Variants in LAMC3 observed in about 807,000 individuals in gnomAD.
LAMC3 encodes laminin subunit gamma-3.
LAMC3 carries 128 observed loss-of-function variants against 173.8 expected under a neutral mutation model. The observed-to-expected ratio is 0.74, with a 90% CI of 0.64 to 0.85. The LOEUF is 0.85. Among genes scored for constraint, LAMC3 ranks in the 40% least tolerant of loss-of-function variants. LAMC3 has a pLI of 0.00. For missense variants in LAMC3, 2,022 were observed against 2,156.0 expected, an observed-to-expected ratio of 0.94 and a Z score of 1.23; for synonymous variants, 897 against 909.1, an observed-to-expected ratio of 0.99 and a Z score of 0.24.
At chr9:131,042,317 G>A (rs1434497842) in intron 7 of LAMC3, among the ~76,000 whole-genome samples, 1 of 150,658 alleles carries the variant, frequency 6.6e-6, no homozygotes, top group Non-Finnish European at 1.5e-5. Context: ...ACACTCAATA[G>A]ACATTACTCA....
intron 12 of LAMC3, among the ~76,000 whole-genome samples, chr9:131,057,583 C>A (rs1034061933): frequency 6.6e-6 from 1 of 152,232 alleles, no homozygotes; most frequent in Non-Finnish European, 1.5e-5. Context: ...CAGGTGACAG[C>A]AGCTCATAGG....
rs34334770 is a variant in LAMC3 at position 131,029,943 on chromosome 9, C to CT, written c.679-2085dup. Among the ~76,000 whole-genome samples, 20,928 of 139,062 alleles carry CT rather than the reference C, an allele frequency of 0.15. 2,076 individuals carry two copies. Among genetic ancestry groups the CT allele is most frequent in the African/African-American group, 0.29 (10,871 of 37,048 alleles). 91.2% of individuals were successfully genotyped at this position (139,062 alleles called of 152,430 possible). A position where few individuals can be genotyped will look rare whatever the true frequency, so the allele number is the denominator to read the frequency against. ...TTCAGTGGGGATTGCCCTAAAATGA[C>CT]TTTTTTTTTTTTTTTTTGAGACAGT... On this transcript the variant is annotated intron_variant, in intron 2 of 27. Coordinates refer to ENST00000361069, the MANE Select transcript of LAMC3 (RefSeq NM_006059.4). This position sits in a 1 kb window ranked among gnomAD's most constrained non-coding sequence, Gnocchi z 4.6.
At chr9:131,073,782 C>T (rs947050970) in intron 20 of LAMC3, among the ~76,000 whole-genome samples, 2 of 152,068 alleles carry the variant, frequency 1.3e-5, no homozygotes, top group Admixed American at 1.3e-4. Flanking sequence ...CTGCCATCAG[C>T]CCCCGTTTCT....
chr9:131,045,646 G>A lies in LAMC3; in HGVS notation c.1505G>A (p.Ser502Asn). The change falls in exon 8 of 28, where the codon AGC (serine) becomes AAC (asparagine). Residue 502 changes from serine to asparagine, a missense_variant. By Grantham distance (46) the Ser-to-Asn change is conservative. Transcript: ENST00000361069. Reference sequence around the variant, plus strand: ...CAGTTCCAGGTGCATCACATCCTCAGCGATTTCCACCAGGGTAAGAGATGC... The same window carrying A: ...CAGTTCCAGGTGCATCACATCCTCAACGATTTCCACCAGGGTAAGAGATGC... ...TAQFQVHHILSDFHQGAEGWW... is the reference protein window; with the variant it reads ...TAQFQVHHILNDFHQGAEGWW... The A allele has an allele frequency of 6.2e-7, 1 of 1,614,168 alleles. No homozygotes were observed. Among genetic ancestry groups the A allele is most frequent in the Non-Finnish European group, 8.5e-7 (1 of 1,180,036 alleles).
intron 2 of LAMC3, 138 bp from the exon 3 acceptor site, chr9:131,031,907 C>T: frequency 6.8e-7 from 1 of 1,466,250 alleles, no homozygotes; most frequent in Admixed American, 1.7e-5. Context: ...GCAGTGTTCT[C>T]AGAATTGGCC....
chr9:131,049,099 C>G lies in LAMC3; in HGVS notation c.1599C>G (p.Ser533Arg). 1 of 1,551,726 alleles carries G rather than the reference C, an allele frequency of 6.4e-7. No individual in the cohort carries two copies. Among genetic ancestry groups the G allele is most frequent in the Admixed American group, 2.0e-5 (1 of 51,140 alleles). The change falls in exon 9 of 28, where the codon AGC (serine) becomes AGG (arginine). Residue 533 changes from serine (S) to arginine (R), a missense_variant. Physicochemically the swap from Ser to Arg is moderately radical, Grantham distance 110. Transcript: ENST00000361069. Reference sequence around the variant, plus strand: ...GGAGCCCAAATGGGGTCCTCCTGAGCCCAGAAGACGAGGAGGAGCTCACAG... The same window carrying G: ...GGAGCCCAAATGGGGTCCTCCTGAGGCCAGAAGACGAGGAGGAGCTCACAG... ...PQWSPNGVLLSPEDEEELTAP... is the reference protein window; with the variant it reads ...PQWSPNGVLLRPEDEEELTAP...
intron 3 of LAMC3, among the ~76,000 whole-genome samples, chr9:131,033,921 G>A (rs1833896388): frequency 6.6e-6 from 1 of 152,176 alleles, no homozygotes; most frequent in Admixed American, 6.5e-5. Context: ...CCTGCTTTGG[G>A]TGTGTGAGCT....
Position 131,026,582 on chromosome 9 carries a change from G to T in LAMC3, c.671G>T (p.Gly224Val), listed in dbSNP as rs927249367. ...PSAYNFEESP[G>V]LQEWVTSTEL... is the part of the protein sequence containing the mutation. ...GCCTACAACTTCGAGGAGAGCCCTG[G>T]GCTGCAGGTCAGGGAGGAGCGGGGC... Residue 224 changes from glycine to valine, a missense_variant, in exon 2 of 28, where the codon GGG (glycine) becomes GTG (valine). Transcript: ENST00000361069. The surrounding 1 kb of genome is among the most constrained non-coding windows in gnomAD (Gnocchi z 4.8). The T allele has an allele frequency of 4.4e-6, 7 of 1,593,868 alleles. No homozygotes were observed. Among genetic ancestry groups the T allele is most frequent in the Admixed American group, 1.8e-5 (1 of 56,584 alleles).
intron 17 of LAMC3, among the ~76,000 whole-genome samples, chr9:131,070,231 T>G (rs528433978): frequency 2.0e-5 from 3 of 152,362 alleles, no homozygotes; most frequent in South Asian, 4.1e-4. Context: ...GTTCAAGCTC[T>G]AGGGTTAACC....
intron 8 of LAMC3, among the ~76,000 whole-genome samples, chr9:131,046,300 T>A (rs112221834): frequency 5.5e-5 from 8 of 144,488 alleles, no homozygotes; most frequent in African/African-American, 1.8e-4. Context: ...CTCCCTGGGC[T>A]CACGTGATCC....
At chr9:131,069,106 G>T in intron 16 of LAMC3, 56 bp downstream of exon 16, 1 of 1,588,800 alleles carries the variant, frequency 6.3e-7, no homozygotes, top group Non-Finnish European at 8.6e-7. Flanking sequence ...GAGGGTCTCT[G>T]GGCAGAGATG....
At chr9:131,034,569 C>T (rs1286969743) in intron 3 of LAMC3, among the ~76,000 whole-genome samples, 4 of 152,214 alleles carry the variant, frequency 2.6e-5, no homozygotes, top group Admixed American at 6.5e-5. Context: ...TCGATGAGGA[C>T]GGGCTTCAGC....
At position 131,077,294 on chromosome 9, in the gene LAMC3, C is replaced by T. The variant is rs746139440; in HGVS notation, c.3737C>T (p.Thr1246Ile). Residue 1246 changes from threonine (T) to isoleucine (I), a missense_variant, in exon 22 of 28, where the codon ACA becomes ATA. Transcript: ENST00000361069. ...LATVQQVGAD[T>I]APYLALLASP... ...ACCGTGCAGCAAGTTGGCGCAGATACAGCCCCGTACCTGGCCTTGCTGGCT... is the reference window on the plus strand; with the variant it reads ...ACCGTGCAGCAAGTTGGCGCAGATATAGCCCCGTACCTGGCCTTGCTGGCT... The T allele has an allele frequency of 1.9e-6, 3 of 1,614,058 alleles. No homozygotes were observed. The highest frequency in any genetic ancestry group is 2.2e-5 in the South Asian group (2 of 91,090).
Position 131,046,518 on chromosome 9 carries a change from A to ATTTTTTTTTTTTTTTTTTTTTTTTTTT in LAMC3, c.1519+884_1519+885insTTTTTTTTTTTTTTTTTTTTTTTTTTT, listed in dbSNP as rs71501242. 4.7e-4 allele frequency among the ~76,000 whole-genome samples: 23 copies of ATTTTTTTTTTTTTTTTTTTTTTTTTTT among 49,162 alleles called. 4 individuals carry two copies. The highest frequency in any genetic ancestry group is 1.1e-3 in the South Asian group (1 of 952). The allele number at this position is 49,162 out of a possible 152,430, so 32.3% of individuals were successfully genotyped here. A position where few individuals can be genotyped will look rare whatever the true frequency, so the allele number is the denominator to read the frequency against. On this transcript the variant is annotated intron_variant, in intron 8 of 27. Coordinates refer to ENST00000361069, the MANE Select transcript of LAMC3 (RefSeq NM_006059.4). Reference sequence around the variant, plus strand: ...ACCACCATGCCGAGCTAATTTTTGTATTTTTTTTTTTTTTTTTTTTTTTTT... The same window carrying ATTTTTTTTTTTTTTTTTTTTTTTTTTT: ...ACCACCATGCCGAGCTAATTTTTGTATTTTTTTTTTTTTTTTTTTTTTTTTTTTTTTTTTTTTTTTTTTTTTTTTTTT...
chr9:131,064,470 T>C (rs1193868772), intron 13 of LAMC3, among the ~76,000 whole-genome samples: 3 of 149,138 alleles, frequency 2.0e-5, no homozygotes, highest in African/African-American at 4.9e-5. Flanking sequence ...GAGACCATCC[T>C]GGCTAACACG....
rs1829802528 is a variant in LAMC3, at chr9:131,061,066, C to T, written c.2190C>T (p.Gly730=). ...GICVCSHHTE[G]PSCERCLPGF... Reference sequence around the variant, plus strand: ...GTGTCTGCAGCCACCATACCGAGGGCCCATCCTGTGAACGCTGTTTGCCAG... The same window carrying T: ...GTGTCTGCAGCCACCATACCGAGGGTCCATCCTGTGAACGCTGTTTGCCAG... The change falls in exon 13 of 28, where the codon GGC becomes GGT. Residue 730 remains glycine (G), a synonymous_variant. Coordinates refer to ENST00000361069, the MANE Select transcript of LAMC3 (RefSeq NM_006059.4). 2 of 1,614,140 alleles carry T rather than the reference C, an allele frequency of 1.2e-6. No individual in the cohort carries two copies. The highest frequency in any genetic ancestry group is 1.3e-5 in the African/African-American group (1 of 75,048).
At chr9:131,022,126 G>C (rs1417200644) in intron 1 of LAMC3, among the ~76,000 whole-genome samples, 1 of 151,974 alleles carries the variant, frequency 6.6e-6, no homozygotes, top group African/African-American at 2.4e-5. Flanking sequence ...GAAGGCAGAG[G>C]CCTGCCCCTG....
chr9:131,011,322 C>G (rs986068431), intron 1 of LAMC3, among the ~76,000 whole-genome samples: 1 of 152,146 alleles, frequency 6.6e-6, no homozygotes, highest in Non-Finnish European at 1.5e-5. Flanking sequence ...AATTGAGGCT[C>G]AGAGAGGTTG....
intron 25 of LAMC3, 25 bp downstream of exon 25, chr9:131,085,748 G>C (rs1166371250): frequency 6.2e-7 from 1 of 1,611,358 alleles, no homozygotes; most frequent in East Asian, 2.2e-5. Context: ...TGTGACAACA[G>C]TGGCCTCCTT....
Sources: allele counts gnomAD v4.1 joint callset (sites outside exome capture counted in the v4.1 genomes callset), GRCh38; gene constraint gnomAD v4.1.1; non-coding constraint Gnocchi (gnomAD v3.1); transcripts MANE v1.5; gene names NCBI Gene and HGNC (gene_info 2026-07-23, HGNC 2026-07-21).